The following EFHC1 variants were observed in gnomAD, a reference collection of about 807,000 sequenced individuals.
EFHC1 encodes the protein EF-hand domain containing 1.
A neutral mutation model predicts 69.9 loss-of-function variants in EFHC1; 53 were observed. The ratio of observed to expected loss-of-function variants is 0.76; its 90% CI spans 0.61 to 0.95. The LOEUF is 0.95. Ranked by LOEUF, EFHC1 falls within the 40% of genes least tolerant of loss-of-function variation. The pLI is 0.00. For synonymous variants in EFHC1, 256 were observed against 278.4 expected (o/e 0.92, Z 0.80); for missense variants, 739 against 798.7 (o/e 0.93, Z 0.90).
intron 5 of EFHC1, among the ~76,000 whole-genome samples, chr6:52,457,307 T>C (rs1005590119): frequency 6.6e-6 from 1 of 152,176 alleles, no homozygotes; most frequent in East Asian, 1.9e-4. Context: ...GGTGTGGGCC[T>C]GAAAAACTAA....
intron 9 of EFHC1, chr6:52,483,026 C>T: frequency 2.5e-6 from 1 of 394,698 alleles, no homozygotes; most frequent in Non-Finnish European, 4.5e-6. Flanking sequence ...ACACACTTTA[C>T]TGTCTGCGTG....
Position 52,423,754 on chromosome 6 carries a change from C to T in EFHC1, c.64-192C>T, listed in dbSNP as rs974016647. 106 of 1,396,670 alleles carry T rather than the reference C, an allele frequency of 7.6e-5. 2 individuals are homozygous for T. The South Asian group carries it at 1.3e-3, about 17-fold the overall frequency. The allele number at this position is 1,396,670 out of a possible 1,614,324, so 86.5% of individuals were successfully genotyped here. A position where few individuals can be genotyped will look rare whatever the true frequency, so the allele number is the denominator to read the frequency against. Reference sequence around the variant, plus strand: ...CTCTGGGGCTGAAGTGATTCTCCCTCTTCAGCCTCCCAGAGTTCTGGGATT... The same window carrying T: ...CTCTGGGGCTGAAGTGATTCTCCCTTTTCAGCCTCCCAGAGTTCTGGGATT... On this transcript the variant is annotated intron_variant, in intron 1 of 10. Coordinates refer to ENST00000371068, the MANE Select transcript of EFHC1 (RefSeq NM_018100.4).
chr6:52,479,864 A>C lies in EFHC1; in HGVS notation c.1640+77A>C, dbSNP rs515432. ...TTCTTGAGAAAACAAATGAGTAATC[A>C]CATTTTAGATTTTCTGATTTCTCTC... is the stretch of plus-strand genomic sequence containing the variant. On this transcript the variant is annotated intron_variant, in intron 9 of 10. Transcript: ENST00000371068. 0.038 allele frequency: 59,976 copies of C among 1,582,882 alleles called. 2,291 individuals carry two copies. The highest frequency in any genetic ancestry group is 0.2 in the African/African-American group (14,710 of 74,698).
At position 52,493,959 on chromosome 6, in the gene EFHC1, A is replaced by AT; in HGVS notation, c.*1618_*1619insT. On this transcript the variant is annotated 3_prime_UTR_variant, in exon 11 of 11. Transcript: ENST00000371068. ...TTCCCTAACGAGCTCAGCCACTTGT[A>AT]ACCAGCTTATTGAAAGGGCTGTGAA... is the stretch of plus-strand genomic sequence containing the variant. 1 of 454,134 alleles carries AT rather than the reference A, an allele frequency of 2.2e-6. No homozygotes were observed. The highest frequency in any genetic ancestry group is 1.6e-5 in the South Asian group (1 of 64,480). 28.1% of individuals were successfully genotyped at this position (454,134 alleles called of 1,614,324 possible). A position where few individuals can be genotyped will look rare whatever the true frequency, so the allele number is the denominator to read the frequency against.
At chr6:52,463,724 G>C (rs547830848) in intron 5 of EFHC1, among the ~76,000 whole-genome samples, 5 of 152,272 alleles carry the variant, frequency 3.3e-5, no homozygotes, top group African/African-American at 9.6e-5. Flanking sequence ...ACATATACCA[G>C]ATCTCCTGGA....
At chr6:52,430,983 G>A (rs1011570319) in intron 2 of EFHC1, among the ~76,000 whole-genome samples, 24 of 152,044 alleles carry the variant, frequency 1.6e-4, no homozygotes, top group African/African-American at 5.1e-4. Flanking sequence ...GTTTATGTGC[G>A]TAAAGGTGTT....
Position 52,424,178 on chromosome 6 carries a change from GA to G in EFHC1, c.285+13del, listed in dbSNP as rs771909816. The G allele has an allele frequency of 6.2e-7, 1 of 1,612,392 alleles. No homozygotes were observed. The highest frequency in any genetic ancestry group is 8.5e-7 in the Non-Finnish European group (1 of 1,179,058). ...GCCTTTGACAAAAAGGTATCATCTG[GA>G]ATTTTAGGGTACCCCTTGAATTAGG... On this transcript the variant is annotated intron_variant, in intron 2 of 10. Coordinates refer to ENST00000371068, the MANE Select transcript of EFHC1 (RefSeq NM_018100.4).
chr6:52,431,323 T>G (rs1764409444), intron 2 of EFHC1, among the ~76,000 whole-genome samples: 1 of 152,202 alleles, frequency 6.6e-6, no homozygotes, highest in Admixed American at 6.5e-5. Flanking sequence ...TCAGACTTTT[T>G]GATGTAGGCG....
intron 1 of EFHC1, chr6:52,423,658 T>TA (rs1491101205): frequency 2.1e-5 from 1 of 48,444 alleles, no homozygotes; most frequent in Non-Finnish European, 3.5e-5. Flanking sequence ...ACCCAGCTAA[T>TA]TTTTTTTTTT....
intron 3 of EFHC1, among the ~76,000 whole-genome samples, chr6:52,447,460 C>T (rs568938983): frequency 2.6e-5 from 4 of 152,242 alleles, no homozygotes; most frequent in Non-Finnish European, 4.4e-5. Flanking sequence ...GTTAGCCATT[C>T]GTCTAATCTT....
At chr6:52,420,910 A>G in intron 1 of EFHC1, 2 of 556,934 alleles carry the variant, frequency 3.6e-6, no homozygotes, top group South Asian at 1.1e-4. Flanking sequence ...CGCCCTTAAA[A>G]CCCCCCGCCA....
intron 9 of EFHC1, chr6:52,485,273 C>T (rs1221821199): frequency 2.0e-5 from 3 of 152,166 alleles, no homozygotes; most frequent in Non-Finnish European, 4.4e-5. Flanking sequence ...TACCAGCAGA[C>T]ACTGGAAAGC....
chr6:52,420,501 C>T (rs548577513), intron 1 of EFHC1, 28 bp downstream of exon 1: 2 of 1,614,072 alleles, frequency 1.2e-6, no homozygotes, highest in South Asian at 2.2e-5. Context: ...AGACTCCCAC[C>T]TGTCCCCACC....
chr6:52,488,813 T>C (rs1486444531), intron 9 of EFHC1: 1 of 152,240 alleles, frequency 6.6e-6, no homozygotes, highest in Non-Finnish European at 1.5e-5. Flanking sequence ...CTTTTATGTC[T>C]TGAGTTTCTC....
chr6:52,482,844 C>T (rs1322168385), intron 9 of EFHC1: 6 of 398,462 alleles, frequency 1.5e-5, no homozygotes, highest in Non-Finnish European at 2.2e-5. Flanking sequence ...GCAGCTGTGT[C>T]GACATTCCTA....
In EFHC1 at chr6:52,464,981, C is replaced by T. The variant is rs749929571; in HGVS notation, c.1003C>T (p.Leu335Phe). Residue 335 changes from leucine (L) to phenylalanine (F), a missense_variant, in exon 6 of 11, where the codon CTC becomes TTC. Physicochemically the swap from Leu to Phe is conservative, Grantham distance 22. Coordinates refer to ENST00000371068, the MANE Select transcript of EFHC1 (RefSeq NM_018100.4). ...TAKDFIVGKSLTILGRTFFIY... is the reference protein window; with the variant it reads ...TAKDFIVGKSFTILGRTFFIY... ...TAAAGACTTCATTGTTGGGAAGTCA[C>T]TCACTATCCTTGGGAGAACTTTCTT... 1 of 1,614,134 alleles carries T rather than the reference C, an allele frequency of 6.2e-7. No individual in the cohort carries two copies. Among genetic ancestry groups the T allele is most frequent in the Non-Finnish European group, 8.5e-7 (1 of 1,179,982 alleles).
chr6:52,436,959 A>G (rs953986058), intron 2 of EFHC1, among the ~76,000 whole-genome samples: 1 of 152,180 alleles, frequency 6.6e-6, no homozygotes, highest in Non-Finnish European at 1.5e-5. Flanking sequence ...TGTTTTTTAA[A>G]TGTGTAATCT....
At position 52,469,313 on chromosome 6, in the gene EFHC1, T is replaced by A. The variant is rs772314808; in HGVS notation, c.1138-20T>A. ...CACAAGTAGTATCTGCCTTACTTCT[T>A]GCTTCCTATGTATCTCCAGGAGTTG... is the stretch of plus-strand genomic sequence containing the variant. On this transcript the variant is annotated intron_variant, in intron 6 of 10. Transcript: ENST00000371068. 6.2e-7 allele frequency: 1 copy of A among 1,613,762 alleles called. No homozygotes were observed. The highest frequency in any genetic ancestry group is 8.5e-7 in the Non-Finnish European group (1 of 1,179,890).
intron 9 of EFHC1, chr6:52,480,005 T>C (rs1468998917): frequency 5.3e-6 from 4 of 756,074 alleles, no homozygotes; most frequent in Non-Finnish European, 8.4e-6. Context: ...CCTTGAACAA[T>C]GTGGGAGTTA....
Sources: gnomAD v4.1 joint callset for allele counts (sites outside exome capture counted in the v4.1 genomes callset) on GRCh38, gnomAD v4.1.1 for gene constraint, MANE v1.5 for transcripts, NCBI Gene and HGNC (gene_info 2026-07-23, HGNC 2026-07-21) for gene names.